PCCA: variants seen among roughly 807,000 people sequenced by gnomAD.
The protein encoded by PCCA is propionyl-CoA carboxylase subunit alpha.
In PCCA, 74 loss-of-function variants were observed where a neutral mutation model predicts 101.3. The observed-to-expected ratio is 0.73, with a 90% CI of 0.61 to 0.89. PCCA has a LOEUF of 0.89. Ranked by LOEUF, PCCA falls within the 40% of genes least tolerant of loss-of-function variation. PCCA has a pLI of 0.00. For missense variants in PCCA, 891 were observed against 907.0 expected (o/e 0.98, Z 0.23); for synonymous variants, 294 against 313.6 (o/e 0.94, Z 0.66).
At chr13:100,245,221 G>A (rs551437353) in intron 8 of PCCA, among the ~76,000 whole-genome samples, 47 of 152,256 alleles carry the variant, frequency 3.1e-4, no homozygotes, top group Middle Eastern at 3.4e-3. Context: ...TGATAGTAGA[G>A]TGTATTTCCC....
chr13:100,131,356 T>A (rs1395034036), intron 4 of PCCA, among the ~76,000 whole-genome samples: 1 of 152,154 alleles, frequency 6.6e-6, no homozygotes, highest in Non-Finnish European at 1.5e-5. Flanking sequence ...CAGTTCTTAA[T>A]CAAGAGCCGT....
chr13:100,089,187 C>G lies in PCCA; in HGVS notation c.67C>G (p.Gln23Glu). Residue 23 changes from glutamine to glutamate, a missense_variant, in exon 1 of 24, where the codon CAG becomes GAG. Gln to Glu is a conservative substitution (Grantham distance 29). Transcript: ENST00000376285. The stretch of plus-strand genomic sequence containing the variant: ...CGGACGGCGTGGGCGGTGGCCGCCG[C>G]AGCAGCTGATGCTGAGCGCGGCGCT... ...AAGRRGRWPP[Q>E]QLMLSAALRT... 6.5e-7 allele frequency: 1 copy of G among 1,529,542 alleles called. No individual in the cohort carries two copies. The highest frequency in any genetic ancestry group is 2.0e-5 in the Admixed American group (1 of 50,396). The allele number at this position is 1,529,542 out of a possible 1,614,324, so 94.7% of individuals were successfully genotyped here.
intron 6 of PCCA, among the ~76,000 whole-genome samples, chr13:100,184,827 G>A (rs1042630033): frequency 1.3e-5 from 2 of 152,156 alleles, no homozygotes; most frequent in Non-Finnish European, 2.9e-5. Context: ...TTAGCTCATA[G>A]ACTACAAACG....
At chr13:100,472,117 T>C (rs1260607060) in intron 21 of PCCA, among the ~76,000 whole-genome samples, 1 of 152,210 alleles carries the variant, frequency 6.6e-6, no homozygotes, top group Non-Finnish European at 1.5e-5. Flanking sequence ...TCCCTATTTC[T>C]GTAAGCGCGA....
At chr13:100,319,367 T>C (rs2067746774) in intron 16 of PCCA, among the ~76,000 whole-genome samples, 2 of 152,130 alleles carry the variant, frequency 1.3e-5, no homozygotes, top group Non-Finnish European at 1.5e-5. Context: ...ATTTTGGCTT[T>C]TGTTGCCATT....
At chr13:100,286,270 C>T (rs2064639037) in intron 12 of PCCA, among the ~76,000 whole-genome samples, 1 of 152,122 alleles carries the variant, frequency 6.6e-6, no homozygotes, top group African/African-American at 2.4e-5. Flanking sequence ...TGTGCCCTTA[C>T]AGATGGAGCA....
intron 21 of PCCA, among the ~76,000 whole-genome samples, chr13:100,454,031 C>T (rs1037032362): frequency 5.3e-5 from 8 of 152,118 alleles, no homozygotes; most frequent in Middle Eastern, 3.4e-3. Context: ...CCACTACACC[C>T]GGCTAATTTT....
At chr13:100,354,109 AT>A (rs1372703007) in intron 18 of PCCA, among the ~76,000 whole-genome samples, 4 of 145,894 alleles carry the variant, frequency 2.7e-5, no homozygotes, top group African/African-American at 7.5e-5. Context: ...AATAATAATA[AT>A]AATAATAATA....
At chr13:100,224,874 A>C (rs1047584655) in intron 7 of PCCA, among the ~76,000 whole-genome samples, 1 of 152,214 alleles carries the variant, frequency 6.6e-6, no homozygotes, top group East Asian at 1.9e-4. Flanking sequence ...GAACTCTGGA[A>C]AACTGCAGAT....
At chr13:100,341,217 A>G (rs1290368512) in intron 18 of PCCA, among the ~76,000 whole-genome samples, 1 of 152,200 alleles carries the variant, frequency 6.6e-6, no homozygotes, top group African/African-American at 2.4e-5. Flanking sequence ...TAAATGACTG[A>G]ATGACTGGAC....
At chr13:100,406,997 T>C (rs1382484212) in intron 19 of PCCA, among the ~76,000 whole-genome samples, 1 of 152,208 alleles carries the variant, frequency 6.6e-6, no homozygotes, top group Non-Finnish European at 1.5e-5. Flanking sequence ...TTGAAAAGGA[T>C]TAAAACAAGA....
rs200256893 is a variant in PCCA, at chr13:100,330,523, A to G, written c.1430-38A>G. On this transcript the variant is annotated intron_variant, in intron 16 of 23. Coordinates refer to ENST00000376285, the MANE Select transcript of PCCA (RefSeq NM_000282.4). The stretch of plus-strand genomic sequence containing the variant: ...ATTATCAGAATTCAATTTTTCACTG[A>G]TTCATTGTTCTTCAATTTGATATCA... 7.4e-5 allele frequency: 90 copies of G among 1,218,126 alleles called. No homozygotes were observed. The African/African-American group carries it at 9.3e-4, about 13-fold the overall frequency. 75.5% of individuals were successfully genotyped at this position (1,218,126 alleles called of 1,614,324 possible).
chr13:100,500,120 G>C (rs1594024249), intron 21 of PCCA, among the ~76,000 whole-genome samples: 1 of 152,156 alleles, frequency 6.6e-6, no homozygotes, highest in Non-Finnish European at 1.5e-5. Context: ...TTGTGGCTCA[G>C]TCCATTTTCC....
At chr13:100,424,101 T>TC (rs1455990597) in intron 19 of PCCA, among the ~76,000 whole-genome samples, 3 of 152,090 alleles carry the variant, frequency 2.0e-5, no homozygotes, top group Non-Finnish European at 4.4e-5. Flanking sequence ...CTGCCTTTTT[T>TC]CCCCCCATCT....
intron 11 of PCCA, among the ~76,000 whole-genome samples, chr13:100,272,875 C>A (rs932546022): frequency 6.6e-6 from 1 of 151,962 alleles, no homozygotes. Context: ...GTTTTTGGCT[C>A]GAAGCAATTC....
chr13:100,346,457 T>C (rs2072238606), intron 18 of PCCA, among the ~76,000 whole-genome samples: 1 of 152,216 alleles, frequency 6.6e-6, no homozygotes, highest in African/African-American at 2.4e-5. Flanking sequence ...AGAACTTGAA[T>C]GGATGAGAGT....
rs71713122 is a variant in PCCA, at chr13:100,178,735, T to TA, written c.468+21404dup. On this transcript the variant is annotated intron_variant, in intron 6 of 23. Coordinates refer to ENST00000376285, the MANE Select transcript of PCCA (RefSeq NM_000282.4). ...TGATCCTGTTTTAATGCCTGTTTAT[T>TA]AAAAAAAAATAATTTAGACACAAGA... Among the ~76,000 whole-genome samples the TA allele has an allele frequency of 4.3e-3, 657 of 151,466 alleles. 7 individuals are homozygous for TA. Among genetic ancestry groups the TA allele is most frequent in the African/African-American group, 0.014 (591 of 41,344 alleles).
chr13:100,284,509 C>A (rs1270068566), intron 12 of PCCA, among the ~76,000 whole-genome samples: 1 of 152,212 alleles, frequency 6.6e-6, no homozygotes, highest in Non-Finnish European at 1.5e-5. Flanking sequence ...TATTGTTAAA[C>A]ATTTGAAAGC....
chr13:100,118,472 G>T (rs1200379035), intron 4 of PCCA, among the ~76,000 whole-genome samples: 1 of 151,798 alleles, frequency 6.6e-6, no homozygotes, highest in African/African-American at 2.4e-5. Flanking sequence ...AGATATTTTG[G>T]CTTTGTATGG....
Sources: allele counts gnomAD v4.1 joint callset (sites outside exome capture counted in the v4.1 genomes callset), GRCh38; gene constraint gnomAD v4.1.1; transcripts MANE v1.5; gene names NCBI Gene and HGNC (gene_info 2026-07-23, HGNC 2026-07-21).